Variants in VWA8 observed in about 807,000 individuals in gnomAD.
VWA8 encodes von Willebrand factor A domain-containing protein 8.
Under a neutral mutation model 241.5 loss-of-function variants are expected in VWA8, and 221 were observed. The ratio of observed to expected loss-of-function variants is 0.91; its 90% CI spans 0.82 to 1.02. VWA8 has a LOEUF of 1.02. VWA8 is among the 50% of genes least tolerant of loss of function. The probability of loss-of-function intolerance (pLI) is 0.00; values close to 1 mark genes in which losing one functional copy is unlikely to be tolerated. For synonymous variants in VWA8, 852 were observed against 827.1 expected, an observed-to-expected ratio of 1.03 and a Z score of -0.52; for missense variants, 2,322 against 2,328.7, an observed-to-expected ratio of 1.00 and a Z score of 0.06.
intron 17 of VWA8, among the ~76,000 whole-genome samples, chr13:41,790,299 TATG>T (rs1206362890): frequency 6.6e-6 from 1 of 152,174 alleles, no homozygotes; most frequent in Non-Finnish European, 1.5e-5. Context: ...TAACACTGTG[TATG>T]ATTAGTTCGA....
chr13:41,697,774 T>A (rs1366346710), intron 29 of VWA8, among the ~76,000 whole-genome samples: 1 of 152,166 alleles, frequency 6.6e-6, no homozygotes, highest in East Asian at 1.9e-4. Context: ...GAGCCAATAC[T>A]GGTCTGCGGC....
At chr13:41,647,379 T>G (rs1176576079) in intron 37 of VWA8, among the ~76,000 whole-genome samples, 5 of 152,188 alleles carry the variant, frequency 3.3e-5, no homozygotes, top group African/African-American at 1.2e-4. Context: ...ACAGTTACAT[T>G]AACACACAGA....
chr13:41,697,020 T>C (rs1424220710), intron 29 of VWA8, among the ~76,000 whole-genome samples: 1 of 152,220 alleles, frequency 6.6e-6, no homozygotes, highest in African/African-American at 2.4e-5. Context: ...TCCAGTCTTA[T>C]CATCTACGTG....
intron 2 of VWA8, among the ~76,000 whole-genome samples, chr13:41,916,647 T>C (rs1472671852): frequency 6.6e-6 from 1 of 152,228 alleles, no homozygotes; most frequent in Non-Finnish European, 1.5e-5. Context: ...TGTCAGGAAA[T>C]TGCACTAAAC....
intron 37 of VWA8, among the ~76,000 whole-genome samples, chr13:41,666,779 C>T (rs143038061): frequency 6.6e-6 from 1 of 152,238 alleles, no homozygotes. Context: ...AAAATAATTA[C>T]AGGCAATGCC....
intron 21 of VWA8, among the ~76,000 whole-genome samples, chr13:41,739,958 C>T (rs2045556850): frequency 6.7e-6 from 1 of 148,688 alleles, no homozygotes; most frequent in Non-Finnish European, 1.5e-5. Context: ...AGGTTCATGT[C>T]ATTCTCCTGC....
intron 43 of VWA8, among the ~76,000 whole-genome samples, chr13:41,573,675 T>G (rs1385251231): frequency 6.7e-6 from 1 of 150,224 alleles, no homozygotes; most frequent in Non-Finnish European, 1.5e-5. Flanking sequence ...GAGACCTCAG[T>G]GGCGTGATCT....
At chr13:41,733,495 T>C (rs747324015) in intron 21 of VWA8, among the ~76,000 whole-genome samples, 2 of 152,218 alleles carry the variant, frequency 1.3e-5, no homozygotes, top group East Asian at 1.9e-4. Flanking sequence ...ATCTGGCAGA[T>C]AGCAGGGGTG....
intron 4 of VWA8, among the ~76,000 whole-genome samples, chr13:41,899,504 G>A (rs753977258): frequency 2.6e-5 from 4 of 152,098 alleles, no homozygotes; most frequent in Non-Finnish European, 4.4e-5. Context: ...TAGCCAAAAG[G>A]AGAAAATCTT....
chr13:41,784,729 T>TATATATATAC (rs772522331), intron 18 of VWA8, among the ~76,000 whole-genome samples: 55 of 60,080 alleles, frequency 9.2e-4, no homozygotes, highest in East Asian at 3.8e-3. Context: ...TATATATATA[T>TATATATATAC]ACACACACAT....
chr13:41,594,879 A>G (rs1018537892), intron 40 of VWA8, among the ~76,000 whole-genome samples: 1 of 152,246 alleles, frequency 6.6e-6, no homozygotes, highest in Non-Finnish European at 1.5e-5. Context: ...TACACTTCCA[A>G]TAAGATTTAC....
intron 42 of VWA8, among the ~76,000 whole-genome samples, chr13:41,583,569 G>A (rs1057296477): frequency 5.9e-5 from 9 of 151,380 alleles, no homozygotes; most frequent in African/African-American, 2.2e-4. Context: ...CTTGAACCTG[G>A]GAGGCGGAGG....
intron 9 of VWA8, among the ~76,000 whole-genome samples, chr13:41,880,555 C>T (rs780175605): frequency 1.3e-5 from 2 of 152,212 alleles, no homozygotes; most frequent in Non-Finnish European, 2.9e-5. Flanking sequence ...AATTCAGGAA[C>T]ATATGATGCA....
intron 37 of VWA8, among the ~76,000 whole-genome samples, chr13:41,653,250 T>C (rs1483993822): frequency 6.6e-6 from 1 of 152,186 alleles, no homozygotes; most frequent in East Asian, 1.9e-4. Context: ...GTAGTATTTC[T>C]ATATACCAGT....
intron 37 of VWA8, among the ~76,000 whole-genome samples, chr13:41,666,411 C>T (rs2044986526): frequency 6.6e-6 from 1 of 152,170 alleles, no homozygotes; most frequent in Non-Finnish European, 1.5e-5. Flanking sequence ...ATCTTACTGC[C>T]TCATTTCTGA....
At chr13:41,630,389 C>G (rs1677128649) in intron 37 of VWA8, among the ~76,000 whole-genome samples, 1 of 151,974 alleles carries the variant, frequency 6.6e-6, no homozygotes, top group African/African-American at 2.4e-5. Flanking sequence ...GTCTCACCCT[C>G]CATCTCTCTA....
intron 21 of VWA8, among the ~76,000 whole-genome samples, chr13:41,744,628 A>G (rs960297908): frequency 3.3e-5 from 5 of 152,034 alleles, no homozygotes; most frequent in Non-Finnish European, 7.4e-5. Context: ...TTTAAATCTA[A>G]TTGAATAAGG....
At chr13:41,817,354 G>A (rs752428542) in intron 15 of VWA8, among the ~76,000 whole-genome samples, 4 of 151,940 alleles carry the variant, frequency 2.6e-5, no homozygotes, top group African/African-American at 4.8e-5. Context: ...AACACATATC[G>A]ATTGCTTTTA....
chr13:41,829,511 G>A (rs1871323425), intron 14 of VWA8, among the ~76,000 whole-genome samples: 1 of 147,430 alleles, frequency 6.8e-6, no homozygotes, highest in Non-Finnish European at 1.5e-5. Flanking sequence ...TAACCAACGA[G>A]TGGATAAAGG....
Sources: gnomAD v4.1 joint callset for allele counts (sites outside exome capture counted in the v4.1 genomes callset) on GRCh38, gnomAD v4.1.1 for gene constraint, MANE v1.5 for transcripts, NCBI Gene and HGNC (gene_info 2026-07-23, HGNC 2026-07-21) for gene names.